The following ANKRD55 variants were observed in gnomAD, a reference collection of about 807,000 sequenced individuals.
ANKRD55 encodes the protein ankyrin repeat domain 55, also known as ankyrin repeat domain-containing protein 55.
Under a neutral mutation model 60.6 loss-of-function variants are expected in ANKRD55, and 41 were observed. The observed-to-expected ratio is 0.68, with a 90% confidence interval of 0.53 to 0.88. The LOEUF (loss-of-function observed/expected upper bound fraction) is 0.88, where lower values mean the gene tolerates loss of function less well. Ranked by LOEUF, ANKRD55 falls within the 40% of genes least tolerant of loss-of-function variation. The pLI is 0.00. For missense variants in ANKRD55, 732 were observed against 767.6 expected (o/e 0.95, Z 0.55); for synonymous variants, 264 against 290.3 (o/e 0.91, Z 0.92).
intron 4 of ANKRD55, among the ~76,000 whole-genome samples, chr5:56,172,054 G>A (rs927197022): frequency 1.3e-5 from 2 of 151,692 alleles, no homozygotes; most frequent in Non-Finnish European, 2.9e-5. Context: ...GGGAGGCAGA[G>A]CTGGCAGTGA....
intron 8 of ANKRD55, among the ~76,000 whole-genome samples, chr5:56,120,359 A>G (rs1005808976): frequency 2.6e-5 from 4 of 152,156 alleles, no homozygotes; most frequent in African/African-American, 9.7e-5. Flanking sequence ...TGGTGGGATT[A>G]TATTTTAAGA....
intron 2 of ANKRD55, 21 bp from the exon 3 acceptor site, chr5:56,183,655 C>G: frequency 6.2e-7 from 1 of 1,613,296 alleles, no homozygotes; most frequent in Non-Finnish European, 8.5e-7. Flanking sequence ...AAAACAGACA[C>G]AATGTTAGTG....
chr5:56,233,160 A>G lies in ANKRD55; in HGVS notation c.-34+81T>C, dbSNP rs1044614682. 5 of 500,290 alleles carry G rather than the reference A, an allele frequency of 1.0e-5. No individual in the cohort carries two copies. The Admixed American group carries it at 1.4e-4, about 14-fold the overall frequency. 31.0% of individuals were successfully genotyped at this position (500,290 alleles called of 1,614,324 possible). A position where few individuals can be genotyped will look rare whatever the true frequency, so the allele number is the denominator to read the frequency against. On this transcript the variant is annotated intron_variant, in intron 1 of 11. Transcript: ENST00000341048. ...CCTCATTCATCAGCTGTACATGGGCATAATACACCCTCCACCCCCAAATCA... is the reference window on the plus strand; with the variant it reads ...CCTCATTCATCAGCTGTACATGGGCGTAATACACCCTCCACCCCCAAATCA...
rs140646872 is a variant in ANKRD55, at chr5:56,111,248, C to T, written c.1500G>A (p.Gln500=). The part of the protein sequence containing the change: ...LDNPWKSDSN[Q]VFSYKVWTVS... ...CAGTCCAAACTTTGTAGGAAAATAC[C>T]TGATTAGAATCACTCTTCCAGGGGT... The change falls in exon 10 of 12, where the codon CAG becomes CAA. Residue 500 remains glutamine (Q), a synonymous_variant. Coordinates refer to ENST00000341048, the MANE Select transcript of ANKRD55 (RefSeq NM_024669.3). 11 of 1,613,788 alleles carry T rather than the reference C, an allele frequency of 6.8e-6. No individual in the cohort carries two copies. Among genetic ancestry groups the T allele is most frequent in the Middle Eastern group, 1.6e-4 (1 of 6,062 alleles).
At chr5:56,108,573 C>A (rs1397666442) in intron 10 of ANKRD55, among the ~76,000 whole-genome samples, 2 of 152,192 alleles carry the variant, frequency 1.3e-5, no homozygotes, top group African/African-American at 4.8e-5. Flanking sequence ...CCATATTTAT[C>A]CTGTGCCTAA....
intron 6 of ANKRD55, among the ~76,000 whole-genome samples, chr5:56,152,787 GAACA>G (rs1334791980): frequency 6.6e-6 from 1 of 152,008 alleles, no homozygotes. Flanking sequence ...CATTGGAACA[GAACA>G]AAGAGTTCAA....
At chr5:56,152,438 C>A (rs906971930) in intron 6 of ANKRD55, among the ~76,000 whole-genome samples, 3 of 152,076 alleles carry the variant, frequency 2.0e-5, no homozygotes, top group African/African-American at 4.8e-5. Flanking sequence ...ATATATATAT[C>A]CTAAATGCTG....
chr5:56,153,806 C>T (rs540889090), intron 6 of ANKRD55, among the ~76,000 whole-genome samples: 15 of 151,572 alleles, frequency 9.9e-5, no homozygotes, highest in South Asian at 4.2e-4. Context: ...CATTGTACTC[C>T]GGCCTGGACA....
At position 56,198,948 on chromosome 5, in the gene ANKRD55, C is replaced by T. The variant is rs180929671; in HGVS notation, c.59-15314G>A. Reference sequence around the variant, plus strand: ...CAAAAAATTTAGCCGGGCGTGGTGGCGGGCGCCTGTAGTCCCAGCTACTCA... The same window carrying T: ...CAAAAAATTTAGCCGGGCGTGGTGGTGGGCGCCTGTAGTCCCAGCTACTCA... On this transcript the variant is annotated intron_variant, in intron 2 of 11. Coordinates refer to ENST00000341048, the MANE Select transcript of ANKRD55 (RefSeq NM_024669.3). Among the ~76,000 whole-genome samples, 494 of 151,998 alleles carry T rather than the reference C, an allele frequency of 3.3e-3. 21 individuals are homozygous for T. The East Asian group carries it at 0.083, about 25-fold the overall frequency.
At chr5:56,228,138 A>G (rs1482808495) in intron 2 of ANKRD55, among the ~76,000 whole-genome samples, 3 of 152,106 alleles carry the variant, frequency 2.0e-5, no homozygotes, top group African/African-American at 7.2e-5. Flanking sequence ...ATTCCCTTAC[A>G]TGGCAAGAGA....
intron 4 of ANKRD55, among the ~76,000 whole-genome samples, chr5:56,173,907 G>A (rs1299881551): frequency 6.6e-6 from 1 of 152,202 alleles, no homozygotes; most frequent in East Asian, 1.9e-4. Flanking sequence ...TGTATACTGA[G>A]TTCAGAGTTG....
intron 5 of ANKRD55, among the ~76,000 whole-genome samples, chr5:56,166,431 A>T (rs1211448012): frequency 1.3e-5 from 2 of 151,616 alleles, no homozygotes; most frequent in African/African-American, 2.4e-5. Context: ...CTACTTTTTT[A>T]AAAAAATCAT....
intron 2 of ANKRD55, among the ~76,000 whole-genome samples, chr5:56,216,402 C>A (rs1759810560): frequency 6.6e-6 from 1 of 152,178 alleles, no homozygotes. Context: ...CTACAATGGT[C>A]TTTGAGTATT....
At chr5:56,142,293 C>A (rs917626006) in intron 7 of ANKRD55, among the ~76,000 whole-genome samples, 5 of 152,158 alleles carry the variant, frequency 3.3e-5, no homozygotes, top group African/African-American at 4.8e-5. Context: ...GAGATCGCAC[C>A]ACTGCACTCT....
intron 6 of ANKRD55, among the ~76,000 whole-genome samples, chr5:56,147,228 T>C (rs1757920842): frequency 6.6e-6 from 1 of 152,202 alleles, no homozygotes; most frequent in Non-Finnish European, 1.5e-5. Flanking sequence ...GTAATTTGCC[T>C]AAGGCCATTG....
At chr5:56,152,002 C>T (rs892589361) in intron 6 of ANKRD55, among the ~76,000 whole-genome samples, 20 of 147,698 alleles carry the variant, frequency 1.4e-4, no homozygotes, top group African/African-American at 5.0e-4. Context: ...AGCTACTGAA[C>T]TAGAAACTGG....
intron 6 of ANKRD55, among the ~76,000 whole-genome samples, chr5:56,159,414 C>G (rs911898328): frequency 6.6e-6 from 1 of 151,414 alleles, no homozygotes; most frequent in Admixed American, 6.6e-5. Context: ...TGAGCCAAGA[C>G]GGTGCCACTG....
chr5:56,111,287 C>T lies in ANKRD55; in HGVS notation c.1461G>A (p.Gln487=). Residue 487 remains glutamine, a synonymous_variant, in exon 10 of 12, where the codon CAG becomes CAA. Coordinates refer to ENST00000341048, the MANE Select transcript of ANKRD55 (RefSeq NM_024669.3). ...TCTTCCAGGGGTTATCTAGTAACAT[C>T]TGGCAGCCAGTTCTGTTATTTAATA... ...QDLLNNRTGC[Q]MLLDNPWKSD... is the part of the protein sequence containing the mutation. The T allele has an allele frequency of 3.1e-6, 5 of 1,614,158 alleles. No homozygotes were observed. Among genetic ancestry groups the T allele is most frequent in the South Asian group, 1.1e-5 (1 of 91,078 alleles).
At chr5:56,132,474 C>G (rs930011109) in intron 7 of ANKRD55, among the ~76,000 whole-genome samples, 17 of 149,408 alleles carry the variant, frequency 1.1e-4, no homozygotes, top group African/African-American at 4.2e-4. Context: ...GCCTGTAGTC[C>G]CAACTACTCA....
Sources: gnomAD v4.1 joint callset for allele counts (sites outside exome capture counted in the v4.1 genomes callset) on GRCh38, gnomAD v4.1.1 for gene constraint, MANE v1.5 for transcripts, NCBI Gene and HGNC (gene_info 2026-07-23, HGNC 2026-07-21) for gene names.